JMJD1C: variants seen among roughly 807,000 people sequenced by gnomAD.
JMJD1C encodes the protein jumonji domain-containing protein 1C.
In JMJD1C, 31 loss-of-function variants were observed where a neutral mutation model predicts 245.3. The ratio of observed to expected loss-of-function variants is 0.13; its 90% confidence interval spans 0.09 to 0.17. JMJD1C has a LOEUF of 0.17. JMJD1C is among the 10% of genes least tolerant of loss of function. JMJD1C has a pLI of 1.00. For missense variants in JMJD1C, 2,691 were observed against 3,000.2 expected, an observed-to-expected ratio of 0.90 and a Z score of 2.41; for synonymous variants, 1,057 against 1,017.4, an observed-to-expected ratio of 1.04 and a Z score of -0.74.
Position 63,190,798 on chromosome 10 carries a change from T to TC in JMJD1C, c.6291+95dup. The TC allele has an allele frequency of 3.4e-5, 29 of 850,880 alleles. 2 individuals carry two copies. The South Asian group carries it at 4.2e-4, about 12-fold the overall frequency. The allele number at this position is 850,880 out of a possible 1,614,324, so 52.7% of individuals were successfully genotyped here. On this transcript the variant is annotated intron_variant, in intron 17 of 25. Transcript: ENST00000399262. ...GCCTAGCAATTTGGTACACTTGATT[T>TC]CATCAGCATACTGGGTAGTTCAGAG...
rs1187602200 is a variant in JMJD1C at position 63,427,625 on chromosome 10, AAC to A, written c.168+37868_168+37869del. ...CATGCCCGGCTGATGGTGGTGGAGAAACAGTGTGTTTACTGTATGAACTCTAA... is the reference window on the plus strand; with the variant it reads ...CATGCCCGGCTGATGGTGGTGGAGAAAGTGTGTTTACTGTATGAACTCTAA... On this transcript the variant is annotated intron_variant, in intron 1 of 25. Coordinates refer to ENST00000399262, the MANE Select transcript of JMJD1C (RefSeq NM_032776.3). 9.3e-5 allele frequency: 128 copies of A among 1,377,944 alleles called. No individual in the cohort carries two copies. In the Middle Eastern group the frequency reaches 1.4e-3, roughly 16 times the overall value. 85.4% of individuals were successfully genotyped at this position (1,377,944 alleles called of 1,614,324 possible).
intron 22 of JMJD1C, among the ~76,000 whole-genome samples, chr10:63,181,853 A>G (rs551483493): frequency 6.6e-6 from 1 of 152,342 alleles, no homozygotes; most frequent in African/African-American, 2.4e-5. Context: ...CAGGATTAGA[A>G]AGGATAAATA....
intron 3 of JMJD1C, among the ~76,000 whole-genome samples, chr10:63,229,369 T>A (rs1849691588): frequency 6.6e-6 from 1 of 152,052 alleles, no homozygotes; most frequent in Admixed American, 6.6e-5. Flanking sequence ...GGGGCTACTC[T>A]GGGCACACTG....
At chr10:63,196,471 G>T (rs559127158) in intron 13 of JMJD1C, among the ~76,000 whole-genome samples, 1 of 152,240 alleles carries the variant, frequency 6.6e-6, no homozygotes, top group East Asian at 1.9e-4. Context: ...CTTAGCTGTA[G>T]ATGTTCAGCT....
At chr10:63,355,654 T>C (rs879686126) in intron 2 of JMJD1C, among the ~76,000 whole-genome samples, 2 of 152,098 alleles carry the variant, frequency 1.3e-5, no homozygotes, top group African/African-American at 2.4e-5. Flanking sequence ...CAGTGACAGC[T>C]GTGTGAGAGT....
At chr10:63,189,582 A>G in intron 17 of JMJD1C, 136 bp from the exon 18 acceptor site, 1 of 758,866 alleles carries the variant, frequency 1.3e-6, no homozygotes, top group Non-Finnish European at 2.1e-6. Context: ...TTGAGTTCCT[A>G]TATTCCTGAC....
chr10:63,321,345 T>C (rs369292223), intron 2 of JMJD1C, among the ~76,000 whole-genome samples: 1 of 152,222 alleles, frequency 6.6e-6, no homozygotes, highest in African/African-American at 2.4e-5. Context: ...GTCAGAAGTA[T>C]AGGTGACAAC....
intron 1 of JMJD1C, among the ~76,000 whole-genome samples, chr10:63,456,220 T>G (rs1394701988): frequency 6.6e-6 from 1 of 152,110 alleles, no homozygotes; most frequent in Non-Finnish European, 1.5e-5. Flanking sequence ...CAATAAAATG[T>G]TCTAGCGAAC....
intron 2 of JMJD1C, among the ~76,000 whole-genome samples, chr10:63,287,067 T>C (rs1349073805): frequency 6.6e-6 from 1 of 152,122 alleles, no homozygotes; most frequent in Admixed American, 6.6e-5. Context: ...AAAAATTAGC[T>C]GGGCATGGTG....
rs1845024580 is a variant in JMJD1C, at chr10:63,192,997, T to C, written c.6017A>G (p.Gln2006Arg). 4 of 1,614,164 alleles carry C rather than the reference T, an allele frequency of 2.5e-6. No individual in the cohort carries two copies. The highest frequency in any genetic ancestry group is 3.4e-6 in the Non-Finnish European group (4 of 1,180,028). Residue 2006 changes from glutamine to arginine, a missense_variant, in exon 16 of 26, where the codon CAG becomes CGG. Gln to Arg is a conservative substitution (Grantham distance 43). This residue lies in a region of JMJD1C where 275 missense variants were observed against 285.5 expected (regional missense o/e 0.96). Transcript: ENST00000399262. ...ATCTGCTAACCAGTGCAGTGGTGAC[T>C]GGGATTCTGGAGGAGTTAACTTGTT... Reference protein sequence around the residue: ...TDNKLTPPESQSPLHWLADLA... With the variant: ...TDNKLTPPESRSPLHWLADLA...
At chr10:63,375,992 G>A (rs1193310287) in intron 2 of JMJD1C, among the ~76,000 whole-genome samples, 1 of 152,112 alleles carries the variant, frequency 6.6e-6, no homozygotes, top group Non-Finnish European at 1.5e-5. Flanking sequence ...AAACTATCCT[G>A]AGAAAGAAGA....
At chr10:63,200,091 T>C (rs1343776381) in intron 11 of JMJD1C, among the ~76,000 whole-genome samples, 1 of 152,216 alleles carries the variant, frequency 6.6e-6, no homozygotes, top group Non-Finnish European at 1.5e-5. Flanking sequence ...CTTTACTGTC[T>C]GGGTTATCCA....
chr10:63,453,829 C>T (rs540135677), intron 1 of JMJD1C, among the ~76,000 whole-genome samples: 65 of 152,278 alleles, frequency 4.3e-4, no homozygotes, highest in African/African-American at 1.4e-3. Flanking sequence ...ACCTCCGCCT[C>T]CTAGGTTCAA....
At chr10:63,427,909 G>A in intron 1 of JMJD1C, 1 of 725,024 alleles carries the variant, frequency 1.4e-6, no homozygotes, top group East Asian at 2.7e-5. Context: ...GACCTCACCA[G>A]CAAGGCAGCC....
At chr10:63,203,531 T>C in intron 10 of JMJD1C, 1 of 972,736 alleles carries the variant, frequency 1.0e-6, no homozygotes, top group Non-Finnish European at 1.2e-6. Context: ...CATAAACCAC[T>C]GGTTTTGTAT....
At chr10:63,446,716 G>T (rs138503946) in intron 1 of JMJD1C, among the ~76,000 whole-genome samples, 1 of 152,308 alleles carries the variant, frequency 6.6e-6, no homozygotes, top group African/African-American at 2.4e-5. Context: ...CTGCTGATAA[G>T]CCCAGTAAAA....
intron 2 of JMJD1C, among the ~76,000 whole-genome samples, chr10:63,278,189 G>T (rs1857005299): frequency 6.6e-6 from 1 of 151,866 alleles, no homozygotes; most frequent in Admixed American, 6.6e-5. Flanking sequence ...GTGGGTTAAA[G>T]AGTACTGATT....
At chr10:63,176,542 T>C in intron 23 of JMJD1C, 69 bp from the exon 24 acceptor site, 1 of 1,160,206 alleles carries the variant, frequency 8.6e-7, no homozygotes, top group Non-Finnish European at 1.2e-6. Context: ...CAGTTAAATT[T>C]CAATTTTATT....
intron 2 of JMJD1C, among the ~76,000 whole-genome samples, chr10:63,344,432 A>G (rs1481341053): frequency 6.6e-6 from 1 of 152,196 alleles, no homozygotes; most frequent in East Asian, 1.9e-4. Flanking sequence ...TTTACACAGC[A>G]AAGAAATCAC....
Sources: gnomAD v4.1 joint callset for allele counts (sites outside exome capture counted in the v4.1 genomes callset) on GRCh38, gnomAD v4.1.1 for gene constraint, gnomAD v4.1.1 regional missense constraint, MANE v1.5 for transcripts, NCBI Gene and HGNC (gene_info 2026-07-23, HGNC 2026-07-21) for gene names.